PLCB1: variants seen among roughly 807,000 people sequenced by gnomAD.
The protein encoded by PLCB1 is phospholipase C beta 1.
In PLCB1, 46 loss-of-function variants were observed where a neutral mutation model predicts 161.8. The observed-to-expected ratio is 0.28, with a 90% confidence interval of 0.22 to 0.36. The LOEUF (loss-of-function observed/expected upper bound fraction) is 0.36, where lower values mean the gene tolerates loss of function less well. PLCB1 is among the 10% of genes least tolerant of loss of function. The pLI, the probability that PLCB1 is intolerant of heterozygous loss-of-function variation, is 1.00. For synonymous variants in PLCB1, 517 were observed against 503.7 expected (o/e 1.03, Z -0.35); for missense variants, 1,016 against 1,472.5 (o/e 0.69, Z 5.07).
chr20:8,301,929 T>G (rs1983928648), intron 2 of PLCB1, among the ~76,000 whole-genome samples: 1 of 152,254 alleles, frequency 6.6e-6, no homozygotes, highest in South Asian at 2.1e-4. Context: ...CACCATTTGC[T>G]GGTTCTGTGA....
intron 12 of PLCB1, among the ~76,000 whole-genome samples, chr20:8,709,655 T>A (rs533538676): frequency 6.6e-6 from 1 of 152,350 alleles, no homozygotes; most frequent in Non-Finnish European, 1.5e-5. Context: ...ATCTTAAAGA[T>A]GCAGATTGGT....
intron 3 of PLCB1, among the ~76,000 whole-genome samples, chr20:8,460,814 T>G (rs1981543024): frequency 6.6e-6 from 1 of 152,178 alleles, no homozygotes; most frequent in Non-Finnish European, 1.5e-5. Context: ...GGACTCTTAC[T>G]ACCATTCTGA....
intron 26 of PLCB1, among the ~76,000 whole-genome samples, chr20:8,771,350 T>C (rs550532925): frequency 6.6e-6 from 1 of 152,182 alleles, no homozygotes; most frequent in African/African-American, 2.4e-5. Context: ...TGAAATTACA[T>C]ATGTGAAGGG....
At chr20:8,855,217 C>T (rs893907725) in intron 31 of PLCB1, among the ~76,000 whole-genome samples, 3 of 104,012 alleles carry the variant, frequency 2.9e-5, no homozygotes, top group Non-Finnish European at 4.2e-5. Flanking sequence ...CAGATTCTTC[C>T]CCCCCCACTC....
In PLCB1 at chr20:8,132,651, G is replaced by C. The variant is rs764523154; in HGVS notation, c.-1G>C. ...GCCGCCCGGAGCCCAGATGAGCCCA[G>C]ATGGCCGGGGCTCAACCCGGAGTGC... On this transcript the variant is annotated 5_prime_UTR_variant, in exon 1 of 32. Transcript: ENST00000338037. This position sits in a 1 kb window ranked among gnomAD's most constrained non-coding sequence, Gnocchi z 5.2. The C allele has an allele frequency of 5.6e-6, 9 of 1,609,848 alleles. No homozygotes were observed. In the South Asian group the frequency reaches 8.8e-5, roughly 16 times the overall value.
intron 3 of PLCB1, among the ~76,000 whole-genome samples, chr20:8,585,330 G>A (rs1986957820): frequency 6.6e-6 from 1 of 152,182 alleles, no homozygotes; most frequent in South Asian, 2.1e-4. Context: ...GATGGCAGAG[G>A]CAGACTCCAT....
At chr20:8,757,684 C>T (rs1568587136) in intron 24 of PLCB1, among the ~76,000 whole-genome samples, 1 of 152,000 alleles carries the variant, frequency 6.6e-6, no homozygotes, top group East Asian at 1.9e-4. Context: ...TATTATTGTC[C>T]CCATTGTGCA....
In PLCB1 at chr20:8,132,620, G is replaced by T. The variant is rs372298655; in HGVS notation, c.-32G>T. ...ACGGTCCCCAGTCCCTGCCGCGCTCGCCCGGGCCGCCCGGAGCCCAGATGA... is the reference window on the plus strand; with the variant it reads ...ACGGTCCCCAGTCCCTGCCGCGCTCTCCCGGGCCGCCCGGAGCCCAGATGA... On this transcript the variant is annotated 5_prime_UTR_variant, in exon 1 of 32. Coordinates refer to ENST00000338037, the MANE Select transcript of PLCB1 (RefSeq NM_015192.4). This position sits in a 1 kb window ranked among gnomAD's most constrained non-coding sequence, Gnocchi z 5.2. 5.9e-6 allele frequency: 9 copies of T among 1,532,196 alleles called. No homozygotes were observed. The highest frequency in any genetic ancestry group is 1.4e-5 in the African/African-American group (1 of 71,454). 94.9% of individuals were successfully genotyped at this position (1,532,196 alleles called of 1,614,324 possible).
chr20:8,822,446 A>G (rs919822014), intron 31 of PLCB1, among the ~76,000 whole-genome samples: 1 of 152,228 alleles, frequency 6.6e-6, no homozygotes, highest in African/African-American at 2.4e-5. Context: ...GAGTAAAATC[A>G]GGAACCAAAT....
intron 3 of PLCB1, among the ~76,000 whole-genome samples, chr20:8,444,849 T>C (rs967235704): frequency 6.6e-6 from 1 of 152,194 alleles, no homozygotes; most frequent in Admixed American, 6.5e-5. Flanking sequence ...AATGTCTTCT[T>C]TTGAGAAGTG....
intron 3 of PLCB1, among the ~76,000 whole-genome samples, chr20:8,484,868 T>A (rs531346041): frequency 9.2e-5 from 14 of 152,298 alleles, no homozygotes; most frequent in African/African-American, 1.7e-4. Flanking sequence ...CCAGGAGAGT[T>A]TGCTCACTGC....
chr20:8,546,879 C>T (rs1298542671), intron 3 of PLCB1, among the ~76,000 whole-genome samples: 1 of 151,600 alleles, frequency 6.6e-6, no homozygotes, highest in Non-Finnish European at 1.5e-5. Context: ...TTCATCTGTG[C>T]TTTTCTAAAT....
intron 31 of PLCB1, among the ~76,000 whole-genome samples, chr20:8,821,130 A>G (rs1037724348): frequency 5.3e-5 from 8 of 152,096 alleles, no homozygotes; most frequent in Non-Finnish European, 1.2e-4. Flanking sequence ...TGTACTCAAT[A>G]TTGAAGAGAT....
Position 8,584,459 on chromosome 20 carries a change from A to C in PLCB1, c.247-43835A>C, listed in dbSNP as rs116083697. Among the ~76,000 whole-genome samples the C allele has an allele frequency of 6.3e-3, 865 of 136,366 alleles. 9 individuals are homozygous for C. The highest frequency in any genetic ancestry group is 0.023 in the African/African-American group (806 of 34,492). The allele number at this position is 136,366 out of a possible 152,430, so 89.5% of individuals were successfully genotyped here. On this transcript the variant is annotated intron_variant, in intron 3 of 31. Transcript: ENST00000338037. ...TGTTATGTTTTGACTAATTTACACA[A>C]ACACACACACATACACACACACAGA...
Position 8,790,551 on chromosome 20 carries a change from C to A in PLCB1, c.3423+290C>A, listed in dbSNP as rs191264251. Among the ~76,000 whole-genome samples the A allele has an allele frequency of 1.4e-3, 207 of 152,252 alleles. 3 individuals are homozygous for A. Among genetic ancestry groups the A allele is most frequent in the Non-Finnish European group, 3.5e-4 (24 of 68,012 alleles). ...ACAAAGGTATTTTTATAGTCCGTTT[C>A]CCCTGGAGAATCAGAGACTAACCAA... is the stretch of plus-strand genomic sequence containing the variant. On this transcript the variant is annotated intron_variant, in intron 31 of 31. Transcript: ENST00000338037.
At chr20:8,749,697 A>G (rs1981352519) in intron 23 of PLCB1, among the ~76,000 whole-genome samples, 1 of 152,202 alleles carries the variant, frequency 6.6e-6, no homozygotes, top group African/African-American at 2.4e-5. Context: ...TAAAAGGGTC[A>G]GCAGAGCTAT....
At chr20:8,651,404 C>T (rs1490627761) in intron 7 of PLCB1, 2 of 718,478 alleles carry the variant, frequency 2.8e-6, no homozygotes, top group Non-Finnish European at 5.2e-6. Context: ...TATCACCTTT[C>T]TTCTATAGGT....
chr20:8,552,063 A>C (rs1267468632), intron 3 of PLCB1, among the ~76,000 whole-genome samples: 1 of 152,094 alleles, frequency 6.6e-6, no homozygotes, highest in Non-Finnish European at 1.5e-5. Context: ...GCAAATAGCT[A>C]CTTCTCCCAA....
At chr20:8,643,764 T>TCTCCCTCTCCCTCTCCCTCTCCCC (rs1989034623) in intron 4 of PLCB1, among the ~76,000 whole-genome samples, 1 of 144,080 alleles carries the variant, frequency 6.9e-6, no homozygotes, top group Non-Finnish European at 1.5e-5. Flanking sequence ...TCCCTCTCCC[T>TCTCCCTCTCCCTCTCCCTCTCCCC]CTCCCTCTCC....
Sources: gnomAD v4.1 joint callset for allele counts (sites outside exome capture counted in the v4.1 genomes callset) on GRCh38, gnomAD v4.1.1 for gene constraint, Gnocchi (gnomAD v3.1) non-coding constraint, MANE v1.5 for transcripts, NCBI Gene and HGNC (gene_info 2026-07-23, HGNC 2026-07-21) for gene names.